IQGAP2: variants seen among roughly 807,000 people sequenced by gnomAD.
IQGAP2 encodes ras GTPase-activating-like protein IQGAP2.
A neutral mutation model predicts 201.3 loss-of-function variants in IQGAP2; 173 were observed. The ratio of observed to expected loss-of-function variants is 0.86; its 90% CI spans 0.76 to 0.98. The LOEUF is 0.98. IQGAP2 is among the 50% of genes least tolerant of loss of function. The probability of loss-of-function intolerance (pLI) is 0.00; values close to 1 mark genes in which losing one functional copy is unlikely to be tolerated. For synonymous variants in IQGAP2, 675 were observed against 673.9 expected (o/e 1.00, Z -0.03); for missense variants, 1,687 against 1,864.8 (o/e 0.90, Z 1.76).
intron 2 of IQGAP2, among the ~76,000 whole-genome samples, chr5:76,484,469 G>GT (rs1365917375): frequency 6.6e-6 from 1 of 152,130 alleles, no homozygotes; most frequent in Non-Finnish European, 1.5e-5. Context: ...CCCCCATCAT[G>GT]TTTTTAAGTG....
In IQGAP2 at chr5:76,668,777, G is replaced by A. The variant is rs188847941; in HGVS notation, c.2776G>A (p.Ala926Thr). The A allele has an allele frequency of 3.1e-6, 5 of 1,608,702 alleles. No homozygotes were observed. Among genetic ancestry groups the A allele is most frequent in the Non-Finnish European group, 3.4e-6 (4 of 1,177,216 alleles). The change falls in exon 23 of 36, where the codon GCC (alanine) becomes ACC (threonine). Residue 926 changes from alanine (A) to threonine (T), a missense_variant. Coordinates refer to ENST00000274364, the MANE Select transcript of IQGAP2 (RefSeq NM_006633.5). ...DTVIFTLYNY[A>T]SNQREEYLLL... ...TGTTATTTTCACACTATATAATTATGCCTCTAATCAGCGAGAAGAATATCT... is the reference window on the plus strand; with the variant it reads ...TGTTATTTTCACACTATATAATTATACCTCTAATCAGCGAGAAGAATATCT...
intron 2 of IQGAP2, among the ~76,000 whole-genome samples, chr5:76,538,145 T>C (rs993825038): frequency 6.6e-6 from 1 of 152,168 alleles, no homozygotes; most frequent in Non-Finnish European, 1.5e-5. Context: ...ATTTCTTACA[T>C]GGCAGCGGGC....
intron 18 of IQGAP2, among the ~76,000 whole-genome samples, chr5:76,653,782 T>C (rs1752696051): frequency 6.6e-6 from 1 of 152,190 alleles, no homozygotes; most frequent in Admixed American, 6.5e-5. Flanking sequence ...GATGTTTTCC[T>C]GTAAAAACTT....
At chr5:76,441,996 G>A (rs1290049251) in intron 1 of IQGAP2, among the ~76,000 whole-genome samples, 2 of 152,138 alleles carry the variant, frequency 1.3e-5, no homozygotes, top group African/African-American at 2.4e-5. Context: ...ACCCATTAGC[G>A]AGGGAATAGC....
intron 2 of IQGAP2, among the ~76,000 whole-genome samples, chr5:76,501,383 T>C (rs111963942): frequency 6.6e-6 from 1 of 152,110 alleles, no homozygotes; most frequent in African/African-American, 2.4e-5. Flanking sequence ...CTGGGCAACA[T>C]AGTAAGAACC....
intron 13 of IQGAP2, among the ~76,000 whole-genome samples, chr5:76,621,602 A>T (rs1472525356): frequency 6.6e-6 from 1 of 152,238 alleles, no homozygotes; most frequent in Non-Finnish European, 1.5e-5. Context: ...GTCCGTTTTC[A>T]GAAAGTTTCT....
rs545241580 is a variant in IQGAP2 at position 76,590,074 on chromosome 5, G to T, written c.641-334G>T. Among the ~76,000 whole-genome samples the T allele has an allele frequency of 7.9e-5, 12 of 152,328 alleles. No individual in the cohort carries two copies. The South Asian group carries it at 1.0e-3, about 13-fold the overall frequency. On this transcript the variant is annotated intron_variant, in intron 7 of 35. Coordinates refer to ENST00000274364, the MANE Select transcript of IQGAP2 (RefSeq NM_006633.5). Reference sequence around the variant, plus strand: ...TGCAAGTATTTCTTGGAACCAACATGTTACTTTAAAATTACCCATGTCGCC... The same window carrying T: ...TGCAAGTATTTCTTGGAACCAACATTTTACTTTAAAATTACCCATGTCGCC...
At chr5:76,570,933 A>G (rs1483561674) in intron 4 of IQGAP2, among the ~76,000 whole-genome samples, 5 of 152,004 alleles carry the variant, frequency 3.3e-5, no homozygotes, top group South Asian at 2.1e-4. Context: ...AAAATAGCCA[A>G]CTCCCTTTCT....
intron 15 of IQGAP2, 47 bp downstream of exon 15, chr5:76,632,073 A>C: frequency 2.7e-5 from 38 of 1,414,592 alleles, no homozygotes; most frequent in Non-Finnish European, 3.1e-5. Context: ...TTTAAATATC[A>C]TTTCTGTGGT....
chr5:76,454,969 T>G (rs986366760), intron 1 of IQGAP2, among the ~76,000 whole-genome samples: 1 of 152,232 alleles, frequency 6.6e-6, no homozygotes, highest in Non-Finnish European at 1.5e-5. Flanking sequence ...TTCCTGACTT[T>G]TTAATGATTG....
chr5:76,414,070 C>G (rs887335806), intron 1 of IQGAP2, among the ~76,000 whole-genome samples: 15 of 151,810 alleles, frequency 9.9e-5, no homozygotes, highest in Non-Finnish European at 1.9e-4. Context: ...CATTAGGAAT[C>G]GAAAACCTGG....
intron 1 of IQGAP2, among the ~76,000 whole-genome samples, chr5:76,406,266 T>C (rs774206025): frequency 3.3e-5 from 5 of 152,234 alleles, no homozygotes; most frequent in Non-Finnish European, 7.3e-5. Context: ...AGATGCAAGA[T>C]TGCTGAAGTC....
At chr5:76,599,100 G>C in intron 10 of IQGAP2, among the ~76,000 whole-genome samples, 1 of 152,088 alleles carries the variant, frequency 6.6e-6, no homozygotes, top group Middle Eastern at 3.2e-3. Context: ...CTTCTGTATT[G>C]GCTGAGTGTG....
intron 2 of IQGAP2, among the ~76,000 whole-genome samples, chr5:76,492,327 C>T (rs1756603810): frequency 6.6e-6 from 1 of 152,156 alleles, no homozygotes; most frequent in Non-Finnish European, 1.5e-5. Flanking sequence ...GCTCAGGCCT[C>T]CTGTCCCTGG....
chr5:76,640,596 T>C (rs890002075), intron 16 of IQGAP2, among the ~76,000 whole-genome samples: 1 of 152,140 alleles, frequency 6.6e-6, no homozygotes, highest in African/African-American at 2.4e-5. Context: ...GTGATGCATG[T>C]TTTTACAGCA....
At chr5:76,599,984 T>G (rs894559022) in intron 10 of IQGAP2, among the ~76,000 whole-genome samples, 1 of 152,156 alleles carries the variant, frequency 6.6e-6, no homozygotes, top group Admixed American at 6.5e-5. Context: ...TTTTAAATCA[T>G]ATAAACCTGG....
Position 76,673,934 on chromosome 5 carries a change from C to G in IQGAP2, c.3210-18C>G, listed in dbSNP as rs756351729. 7.1e-7 allele frequency: 1 copy of G among 1,402,668 alleles called. No homozygotes were observed. Among genetic ancestry groups the G allele is most frequent in the East Asian group, 2.3e-5 (1 of 43,806 alleles). The allele number at this position is 1,402,668 out of a possible 1,614,324, so 86.9% of individuals were successfully genotyped here. On this transcript the variant is annotated intron_variant, in intron 25 of 35. Transcript: ENST00000274364. ...CCTTTTTTCCATTATTTTCTTTTGT[C>G]ATCTGTTTTATATGTAGTTATGGAT...
chr5:76,669,038 C>T (rs1261322809), intron 23 of IQGAP2, among the ~76,000 whole-genome samples, 194 bp downstream of exon 23: 1 of 152,166 alleles, frequency 6.6e-6, no homozygotes, highest in Non-Finnish European at 1.5e-5. Flanking sequence ...ACCAGTGATA[C>T]TTTCTCTAGT....
chr5:76,664,599 C>T (rs1324868025), intron 21 of IQGAP2, among the ~76,000 whole-genome samples: 3 of 152,108 alleles, frequency 2.0e-5, no homozygotes, highest in Non-Finnish European at 4.4e-5. Flanking sequence ...AGTGGAATCG[C>T]TTGAACCTGG....
Sources: allele counts gnomAD v4.1 joint callset (sites outside exome capture counted in the v4.1 genomes callset), GRCh38; gene constraint gnomAD v4.1.1; transcripts MANE v1.5; gene names NCBI Gene and HGNC (gene_info 2026-07-23, HGNC 2026-07-21).